PARN: variants seen among roughly 807,000 people sequenced by gnomAD.
PARN encodes the protein poly(A)-specific ribonuclease PARN.
PARN carries 71 observed loss-of-function variants against 102.8 expected under a neutral mutation model. The observed-to-expected ratio is 0.69, with a 90% confidence interval of 0.57 to 0.84. The LOEUF (loss-of-function observed/expected upper bound fraction) is 0.84. Among genes scored for constraint, PARN ranks in the 40% least tolerant of loss-of-function variants. PARN has a pLI of 0.00. For synonymous variants in PARN, 261 were observed against 252.9 expected (o/e 1.03, Z -0.30); for missense variants, 782 against 760.9 (o/e 1.03, Z -0.33).
At chr16:14,474,688 G>T (rs1962940142) in intron 22 of PARN, among the ~76,000 whole-genome samples, 1 of 152,230 alleles carries the variant, frequency 6.6e-6, no homozygotes, top group East Asian at 1.9e-4. Context: ...TTTCCGAGGT[G>T]CTAGGTGGTG....
At chr16:14,584,453 T>C in intron 15 of PARN, 31 bp from the exon 16 acceptor site, 1 of 1,550,328 alleles carries the variant, frequency 6.5e-7, no homozygotes, top group South Asian at 1.1e-5. Context: ...AATTATGAGA[T>C]TTCATCATCT....
At chr16:14,553,093 T>C (rs1033986810) in intron 20 of PARN, among the ~76,000 whole-genome samples, 1 of 151,324 alleles carries the variant, frequency 6.6e-6, no homozygotes, top group Non-Finnish European at 1.5e-5. Flanking sequence ...GAAAGTCTAC[T>C]ATTCTAAAAT....
chr16:14,597,294 C>T (rs1970581514), intron 12 of PARN, among the ~76,000 whole-genome samples: 1 of 152,112 alleles, frequency 6.6e-6, no homozygotes, highest in Admixed American at 6.6e-5. Flanking sequence ...TAAAGTTAAA[C>T]TATATAGTTA....
At chr16:14,441,871 C>T (rs1249509170) in intron 23 of PARN, among the ~76,000 whole-genome samples, 1 of 152,154 alleles carries the variant, frequency 6.6e-6, no homozygotes, top group African/African-American at 2.4e-5. Context: ...GACTGCTGCT[C>T]TAATTAGGTT....
intron 22 of PARN, among the ~76,000 whole-genome samples, chr16:14,460,482 C>G (rs1484160820): frequency 2.0e-5 from 3 of 152,172 alleles, no homozygotes; most frequent in African/African-American, 7.2e-5. Flanking sequence ...ACTCGTACTC[C>G]TTTGTAAGTT....
chr16:14,606,371 T>C, intron 10 of PARN, 113 bp downstream of exon 10: 2 of 528,182 alleles, frequency 3.8e-6, no homozygotes, highest in Non-Finnish European at 6.5e-6. Context: ...CACTCCAGCC[T>C]GGGTAATCAG....
chr16:14,616,777 G>C (rs1475222649), intron 6 of PARN, among the ~76,000 whole-genome samples: 1 of 152,022 alleles, frequency 6.6e-6, no homozygotes, highest in Non-Finnish European at 1.5e-5. Context: ...TGCCAGCAGA[G>C]GGGTTATAAA....
chr16:14,505,405 T>TTAAA (rs1296289836), intron 21 of PARN, among the ~76,000 whole-genome samples: 1 of 151,810 alleles, frequency 6.6e-6, no homozygotes, highest in Non-Finnish European at 1.5e-5. Flanking sequence ...AGCCCAGGAG[T>TTAAA]TAAAGGCTGA....
chr16:14,588,876 G>A (rs962992480), intron 13 of PARN, among the ~76,000 whole-genome samples: 1 of 150,736 alleles, frequency 6.6e-6, no homozygotes, highest in African/African-American at 2.4e-5. Context: ...GTGAGACTCT[G>A]TCTCAAAAAA....
At chr16:14,563,724 A>G (rs1167649419) in intron 18 of PARN, among the ~76,000 whole-genome samples, 1 of 150,806 alleles carries the variant, frequency 6.6e-6, no homozygotes, top group Non-Finnish European at 1.5e-5. Flanking sequence ...TAGTTATACA[A>G]TTATATAACT....
intron 22 of PARN, among the ~76,000 whole-genome samples, chr16:14,470,573 TCAGCCTCCCGCCA>T (rs1402375157): frequency 6.6e-6 from 1 of 151,648 alleles, no homozygotes. Flanking sequence ...TCCTCCCACC[TCAGCCTCCCGCCA>T]CAGCTGGGAC....
At chr16:14,619,207 CA>C (rs1182017913) in intron 5 of PARN, among the ~76,000 whole-genome samples, 1 of 151,790 alleles carries the variant, frequency 6.6e-6, no homozygotes, top group Non-Finnish European at 1.5e-5. Flanking sequence ...TGCCTCAAAA[CA>C]AAAAAGATCA....
intron 6 of PARN, 23 bp from the exon 7 acceptor site, chr16:14,610,832 T>G (rs776980724): frequency 6.5e-7 from 1 of 1,535,984 alleles, no homozygotes; most frequent in Non-Finnish European, 9.0e-7. Context: ...TTAAAAAGAA[T>G]GCATTAGCAG....
At chr16:14,522,503 G>C (rs1282169791) in intron 21 of PARN, among the ~76,000 whole-genome samples, 1 of 152,074 alleles carries the variant, frequency 6.6e-6, no homozygotes, top group East Asian at 1.9e-4. Flanking sequence ...AGTGAGACTT[G>C]GTCTCTTAAT....
intron 21 of PARN, among the ~76,000 whole-genome samples, chr16:14,543,467 G>T (rs534951001): frequency 7.9e-5 from 12 of 152,228 alleles, no homozygotes; most frequent in African/African-American, 2.9e-4. Context: ...AAGTAAAATT[G>T]TAACACCACT....
At chr16:14,629,293 GAAA>G (rs963821028) in intron 2 of PARN, among the ~76,000 whole-genome samples, 3 of 151,784 alleles carry the variant, frequency 2.0e-5, no homozygotes, top group Non-Finnish European at 2.9e-5. Flanking sequence ...TTACAATCAA[GAAA>G]AAAAACAGTC....
chr16:14,445,562 TTTTG>T (rs2151555163), intron 23 of PARN, among the ~76,000 whole-genome samples: 1 of 152,008 alleles, frequency 6.6e-6, no homozygotes, highest in East Asian at 1.9e-4. Flanking sequence ...ACTCACTTTC[TTTTG>T]TGTGTGTGTA....
intron 22 of PARN, among the ~76,000 whole-genome samples, chr16:14,466,041 C>T (rs1461650879): frequency 6.6e-6 from 1 of 152,112 alleles, no homozygotes; most frequent in Non-Finnish European, 1.5e-5. Flanking sequence ...GTAACTATTG[C>T]GTACCAGGCT....
chr16:14,501,279 AAAC>A (rs1964573111), intron 21 of PARN, among the ~76,000 whole-genome samples: 2 of 140,096 alleles, frequency 1.4e-5, no homozygotes, highest in East Asian at 2.0e-4. Flanking sequence ...AAAAAACAAA[AAAC>A]AAACAAAAAA....
Sources: gnomAD v4.1 joint callset for allele counts (sites outside exome capture counted in the v4.1 genomes callset) on GRCh38, gnomAD v4.1.1 for gene constraint, MANE v1.5 for transcripts, NCBI Gene and HGNC (gene_info 2026-07-23, HGNC 2026-07-21) for gene names.